The following OR2C1 variants were observed in gnomAD, a reference collection of about 807,000 sequenced individuals.
OR2C1 encodes olfactory receptor family 2 subfamily C member 1.
For missense variants in OR2C1, 468 were observed against 388.3 expected (o/e 1.21, Z -1.73); for synonymous variants, 209 against 167.3 (o/e 1.25, Z -1.92).
chr16:3,335,520 C>CTTTTTTTTTTTTTTTTTTTTT, the OR2C1 span, among the ~76,000 whole-genome samples: 1 of 55,440 alleles, frequency 1.8e-5, no homozygotes. Flanking sequence ...AATGCTACTG[C>CTTTTTTTTTTTTTTTTTTTTT]TTTTTTTTTT....
chr16:3,338,658 C>T, the OR2C1 span, among the ~76,000 whole-genome samples: 1 of 151,670 alleles, frequency 6.6e-6, no homozygotes, highest in African/African-American at 2.4e-5. Flanking sequence ...CTTCCTCACC[C>T]TCCCAAGTAG....
upstream of OR2C1, among the ~76,000 whole-genome samples, chr16:3,353,329 A>G (rs2030603584): frequency 1.3e-5 from 2 of 151,686 alleles, no homozygotes; most frequent in South Asian, 4.2e-4. Flanking sequence ...CATCTCTACT[A>G]AAAACACAAA....
the OR2C1 span, among the ~76,000 whole-genome samples, chr16:3,333,127 T>C: frequency 1.3e-5 from 2 of 151,812 alleles, no homozygotes; most frequent in East Asian, 3.9e-4. Flanking sequence ...TCTCTGATGA[T>C]TGATGATATT....
At chr16:3,354,060 TG>T, upstream of OR2C1, among the ~76,000 whole-genome samples, 1 of 150,178 alleles carries the variant, frequency 6.7e-6, no homozygotes, top group Non-Finnish European at 1.5e-5. Context: ...CTCAACTCAC[TG>T]CAACTTCCGC....
the OR2C1 span, among the ~76,000 whole-genome samples, chr16:3,347,971 A>T: frequency 6.6e-6 from 1 of 152,242 alleles, no homozygotes; most frequent in Non-Finnish European, 1.5e-5. Context: ...ATGGATAAAT[A>T]GATTATGATA....
rs764165224 is a variant in OR2C1 at position 3,357,250 on chromosome 16, T to C, written c.*371T>C. ...CTAAGCAAAGCACCTCCACTTGCAG[T>C]ATCTTACATAATGTTACTATAATTC... On this transcript the variant is annotated 3_prime_UTR_variant, in exon 1 of 1. Transcript: ENST00000304936. 9.7e-6 allele frequency: 2 copies of C among 205,518 alleles called. No homozygotes were observed. The highest frequency in any genetic ancestry group is 2.2e-5 in the Non-Finnish European group (2 of 91,992). 12.7% of individuals were successfully genotyped at this position (205,518 alleles called of 1,614,324 possible).
chr16:3,337,386 C>G, the OR2C1 span, among the ~76,000 whole-genome samples: 61 of 151,902 alleles, frequency 4.0e-4, no homozygotes, highest in African/African-American at 1.4e-3. Flanking sequence ...CTGGGCTGGT[C>G]TCGAACTCCT....
chr16:3,350,439 T>A, the OR2C1 span, among the ~76,000 whole-genome samples: 4 of 147,402 alleles, frequency 2.7e-5, no homozygotes, highest in African/African-American at 7.5e-5. Context: ...TGAGATGGAG[T>A]CTTGCTCTGT....
rs758274270 is a variant in OR2C1, at chr16:3,356,883, A to G, written c.*4A>G. On this transcript the variant is annotated 3_prime_UTR_variant, in exon 1 of 1. Coordinates refer to ENST00000304936, the MANE Select transcript of OR2C1 (RefSeq NM_012368.3). ...GAAAGGAAGAGAAGTTGGCTGAGAG[A>G]ACACTCCTTCGTTATTTATTGCGTC... The G allele has an allele frequency of 6.4e-6, 10 of 1,566,970 alleles. No individual in the cohort carries two copies. Among genetic ancestry groups the G allele is most frequent in the Admixed American group, 1.9e-5 (1 of 53,428 alleles).
rs1358996922 is a variant in OR2C1, at chr16:3,356,556, T to C, written c.616T>C (p.Phe206Leu). Reference protein sequence around the residue: ...QAVLNGVCTFFTAVPLSIIVI... With the variant: ...QAVLNGVCTFLTAVPLSIIVI... ...TGTGCTCAATGGTGTCTGCACCTTC[T>C]TCACTGCAGTCCCACTAAGCATCAT... Residue 206 changes from phenylalanine to leucine, a missense_variant, in exon 1 of 1, where the codon TTC becomes CTC. Phe to Leu is a conservative substitution (Grantham distance 22). Coordinates refer to ENST00000304936, the MANE Select transcript of OR2C1 (RefSeq NM_012368.3). The C allele has an allele frequency of 6.2e-7, 1 of 1,614,202 alleles. No homozygotes were observed. Among genetic ancestry groups the C allele is most frequent in the Non-Finnish European group, 8.5e-7 (1 of 1,180,042 alleles).
At chr16:3,333,216 T>C in the OR2C1 span, among the ~76,000 whole-genome samples, 2 of 25,954 alleles carry the variant, frequency 7.7e-5, no homozygotes, top group African/African-American at 3.7e-4. Flanking sequence ...TGCCCATTTT[T>C]TTTTTTTTTT....
In OR2C1 at chr16:3,356,182, TG is replaced by T. The variant is rs769213149; in HGVS notation, c.243del (p.Met81IlefsTer2). On this transcript the variant is annotated frameshift_variant, in exon 1 of 1. Transcript: ENST00000304936. LOFTEE classifies it low-confidence loss of function (END_TRUNC). ...TTCGCTACTAGTTCAGTCCCCCAAA[TG>T]CTGATCAATTTATGGGGACCAGGCA... ...LAFATSSVPQMLINLWGPGKT... is the reference protein window; with the variant it reads ...LAFATSSVPQXLINLWGPGKT... 2.5e-6 allele frequency: 4 copies of T among 1,614,212 alleles called. No individual in the cohort carries two copies. The highest frequency in any genetic ancestry group is 1.7e-6 in the Non-Finnish European group (2 of 1,180,032).
the OR2C1 span, among the ~76,000 whole-genome samples, chr16:3,346,607 T>A: frequency 6.2e-5 from 9 of 146,188 alleles, no homozygotes; most frequent in Admixed American, 1.4e-4. Context: ...AATATTTTAA[T>A]GAAAATGTCC....
chr16:3,325,251 G>T, the OR2C1 span, among the ~76,000 whole-genome samples: 1 of 151,834 alleles, frequency 6.6e-6, no homozygotes, highest in African/African-American at 2.4e-5. Flanking sequence ...CAATGTGCTG[G>T]GATTACAGGC....
At chr16:3,334,761 T>A in the OR2C1 span, among the ~76,000 whole-genome samples, 1 of 151,940 alleles carries the variant, frequency 6.6e-6, no homozygotes, top group South Asian at 2.1e-4. Flanking sequence ...CCATGCTGAT[T>A]TGGTTATTAT....
In OR2C1 at chr16:3,356,720, G is replaced by A. The variant is rs1318842339; in HGVS notation, c.780G>A (p.Leu260=). 6.2e-7 allele frequency: 1 copy of A among 1,614,140 alleles called. No homozygotes were observed. The highest frequency in any genetic ancestry group is 8.5e-7 in the Non-Finnish European group (1 of 1,180,022). ...LFYGSASYGY[L]LPAKNSKQDQ... Reference sequence around the variant, plus strand: ...ATGGCTCAGCCAGCTATGGGTATCTGCTTCCGGCCAAGAACAGCAAACAGG... The same window carrying A: ...ATGGCTCAGCCAGCTATGGGTATCTACTTCCGGCCAAGAACAGCAAACAGG... Residue 260 remains leucine, a synonymous_variant, in exon 1 of 1, where the codon CTG becomes CTA. Coordinates refer to ENST00000304936, the MANE Select transcript of OR2C1 (RefSeq NM_012368.3).
At chr16:3,332,730 T>TATA in the OR2C1 span, among the ~76,000 whole-genome samples, 1 of 151,502 alleles carries the variant, frequency 6.6e-6, no homozygotes, top group African/African-American at 2.4e-5. Flanking sequence ...CATATATATA[T>TATA]ATGTATGCAC....
At chr16:3,342,546 C>T in the OR2C1 span, among the ~76,000 whole-genome samples, 6 of 152,074 alleles carry the variant, frequency 3.9e-5, no homozygotes, top group African/African-American at 1.2e-4. Flanking sequence ...GGCAAAACCC[C>T]ATCTCTGCTT....
the OR2C1 span, among the ~76,000 whole-genome samples, chr16:3,332,700 T>C: frequency 2.1e-5 from 3 of 142,010 alleles, no homozygotes; most frequent in Non-Finnish European, 3.0e-5. Context: ...TTTTTATGGC[T>C]GAATAATAAT....
Sources: allele counts gnomAD v4.1 joint callset (sites outside exome capture counted in the v4.1 genomes callset), GRCh38; gene constraint gnomAD v4.1.1; transcripts MANE v1.5; gene names NCBI Gene and HGNC (gene_info 2026-07-23, HGNC 2026-07-21).